NRP1: variants seen among roughly 807,000 people sequenced by gnomAD.
The protein encoded by NRP1 is neuropilin-1.
A neutral mutation model predicts 106.7 loss-of-function variants in NRP1; 35 were observed. The observed-to-expected ratio is 0.33, with a 90% confidence interval of 0.25 to 0.43. The LOEUF is 0.43. Among genes scored for constraint, NRP1 ranks in the 20% least tolerant of loss-of-function variants. NRP1 has a pLI of 1.00. For synonymous variants in NRP1, 437 were observed against 417.9 expected, an observed-to-expected ratio of 1.05 and a Z score of -0.56; for missense variants, 1,024 against 1,170.4, an observed-to-expected ratio of 0.87 and a Z score of 1.83.
At position 33,192,842 on chromosome 10, in the gene NRP1, T is replaced by C. The variant is rs192357127; in HGVS notation, c.1925-424A>G. Among the ~76,000 whole-genome samples, 735 of 152,340 alleles carry C rather than the reference T, an allele frequency of 4.8e-3. 1 individual carries two copies. The highest frequency in any genetic ancestry group is 7.4e-3 in the Admixed American group (114 of 15,306). ...AGAATCTTAATTAGAGATTGACCCA[T>C]GAAGCCTCAAAAGTGGAAAGTAACT... is the stretch of plus-strand genomic sequence containing the variant. On this transcript the variant is annotated intron_variant, in intron 12 of 16. Coordinates refer to ENST00000374867, the MANE Select transcript of NRP1 (RefSeq NM_003873.7).
chr10:33,319,877 C>T (rs559320554), intron 2 of NRP1, among the ~76,000 whole-genome samples: 4 of 151,974 alleles, frequency 2.6e-5, no homozygotes, highest in East Asian at 4.0e-4. Flanking sequence ...TGAGCCACCG[C>T]GCCCGGCCTG....
chr10:33,261,307 C>G (rs980832947), intron 4 of NRP1, among the ~76,000 whole-genome samples: 3 of 152,190 alleles, frequency 2.0e-5, no homozygotes, highest in African/African-American at 7.2e-5. Context: ...TGAAAGTCTT[C>G]TAAATAAGTT....
intron 2 of NRP1, among the ~76,000 whole-genome samples, chr10:33,301,129 T>C (rs576040183): frequency 2.0e-5 from 3 of 152,202 alleles, no homozygotes; most frequent in South Asian, 4.2e-4. Context: ...ATTATTCAAA[T>C]AGGAGAGAGG....
At chr10:33,271,985 A>T (rs1843339440) in intron 2 of NRP1, among the ~76,000 whole-genome samples, 1 of 152,226 alleles carries the variant, frequency 6.6e-6, no homozygotes, top group South Asian at 2.1e-4. Context: ...TTGGTTCAAA[A>T]GTCCTGGGAT....
chr10:33,195,097 C>G (rs1016754329), intron 12 of NRP1, among the ~76,000 whole-genome samples: 1 of 152,076 alleles, frequency 6.6e-6, no homozygotes, highest in Non-Finnish European at 1.5e-5. Flanking sequence ...CTGTGCTTGC[C>G]CAACCCATCT....
chr10:33,275,654 T>G (rs956125009), intron 2 of NRP1, among the ~76,000 whole-genome samples: 1 of 150,984 alleles, frequency 6.6e-6, no homozygotes, highest in Non-Finnish European at 1.5e-5. Flanking sequence ...TTCCAGTGCT[T>G]TGGGAGGCTG....
chr10:33,275,448 G>A (rs987409412), intron 2 of NRP1, among the ~76,000 whole-genome samples: 1 of 152,122 alleles, frequency 6.6e-6, no homozygotes, highest in African/African-American at 2.4e-5. Context: ...TGCACTTGTA[G>A]TGCCAGCTAC....
intron 8 of NRP1, among the ~76,000 whole-genome samples, chr10:33,214,956 A>G (rs981235521): frequency 2.6e-5 from 4 of 152,252 alleles, no homozygotes; most frequent in African/African-American, 9.6e-5. Flanking sequence ...ATGTACAATG[A>G]TAAAATTAAA....
In NRP1 at chr10:33,213,406, C is replaced by A. The variant is rs371533986; in HGVS notation, c.1594G>T (p.Asp532Tyr). The A allele has an allele frequency of 8.1e-6, 13 of 1,614,052 alleles. No homozygotes were observed. The highest frequency in any genetic ancestry group is 1.6e-4 in the Middle Eastern group (1 of 6,062). The change falls in exon 9 of 17, where the codon GAC becomes TAC. Residue 532 changes from aspartate (D) to tyrosine (Y), a missense_variant. Asp to Tyr is a radical substitution (Grantham distance 160). This residue lies in a region of NRP1 where 562 missense variants were observed against 620.3 expected (regional missense o/e 0.91). Transcript: ENST00000374867. The part of the protein sequence containing the change: ...NGSDWKMIMD[D>Y]SKRKAKSFEG... Reference sequence around the variant, plus strand: ...CTCACCTTCGCCTTGCGTTTGCTGTCATCCATGATCATCTTCCAGTCCGAG... The same window carrying A: ...CTCACCTTCGCCTTGCGTTTGCTGTAATCCATGATCATCTTCCAGTCCGAG...
intron 3 of NRP1, among the ~76,000 whole-genome samples, chr10:33,269,375 C>G (rs943309232): frequency 6.6e-6 from 1 of 152,158 alleles, no homozygotes; most frequent in Non-Finnish European, 1.5e-5. Context: ...TCAACTGCAG[C>G]CTCCAACTCC....
chr10:33,251,413 T>TGG (rs10688748), intron 6 of NRP1, among the ~76,000 whole-genome samples: 10,632 of 152,180 alleles, frequency 0.07, 1,156 homozygotes, highest in African/African-American at 0.24. Context: ...CACTCTGCCT[T>TGG]GGGGCAGGCA....
At chr10:33,259,119 A>G (rs1021282715) in intron 4 of NRP1, among the ~76,000 whole-genome samples, 13 of 152,142 alleles carry the variant, frequency 8.5e-5, no homozygotes, top group Admixed American at 2.0e-4. Flanking sequence ...CTATCACCCA[A>G]TTCCTTTGGG....
intron 2 of NRP1, among the ~76,000 whole-genome samples, chr10:33,295,847 AAAAGGG>A (rs1465042920): frequency 6.6e-6 from 1 of 152,228 alleles, no homozygotes; most frequent in Non-Finnish European, 1.5e-5. Context: ...AATGATGGCT[AAAAGGG>A]CTGCCTATTA....
At chr10:33,321,603 A>G (rs1847518384) in intron 2 of NRP1, among the ~76,000 whole-genome samples, 1 of 152,148 alleles carries the variant, frequency 6.6e-6, no homozygotes, top group African/African-American at 2.4e-5. Flanking sequence ...TTTTGAAGTG[A>G]TCTATGTAAG....
chr10:33,213,957 C>A (rs1044149643), intron 8 of NRP1, among the ~76,000 whole-genome samples: 1 of 152,162 alleles, frequency 6.6e-6, no homozygotes, highest in Non-Finnish European at 1.5e-5. Context: ...ACATACATTT[C>A]CCCCGCTTTG....
rs11403961 is a variant in NRP1, at chr10:33,294,617, C to CAAA, written c.249-23764_249-23762dup. Reference sequence around the variant, plus strand: ...GGACAACAAGAGTGAAACTCCGTCTCAAAAAAAAAAAAAAAAAATCTATGT... The same window carrying CAAA: ...GGACAACAAGAGTGAAACTCCGTCTCAAAAAAAAAAAAAAAAAAAAATCTATGT... On this transcript the variant is annotated intron_variant, in intron 2 of 16. Coordinates refer to ENST00000374867, the MANE Select transcript of NRP1 (RefSeq NM_003873.7). Among the ~76,000 whole-genome samples, 158 of 111,948 alleles carry CAAA rather than the reference C, an allele frequency of 1.4e-3. 7 individuals are homozygous for CAAA. The Middle Eastern group carries it at 0.015, about 11-fold the overall frequency. The allele number at this position is 111,948 out of a possible 152,430, so 73.4% of individuals were successfully genotyped here. A position where few individuals can be genotyped will look rare whatever the true frequency, so the allele number is the denominator to read the frequency against.
At chr10:33,223,623 G>A (rs145421472) in intron 7 of NRP1, among the ~76,000 whole-genome samples, 88 of 152,258 alleles carry the variant, frequency 5.8e-4, no homozygotes, top group African/African-American at 2.0e-3. Flanking sequence ...GCAAGACTTG[G>A]TCTCTATTTT....
chr10:33,320,337 C>A (rs937047362), intron 2 of NRP1, among the ~76,000 whole-genome samples: 1 of 151,156 alleles, frequency 6.6e-6, no homozygotes, highest in Non-Finnish European at 1.5e-5. Flanking sequence ...AAGCCTGCAC[C>A]GGGACCCAGT....
rs1263870914 is a variant in NRP1, at chr10:33,185,740, C to A, written c.2335-16G>T. On this transcript the variant is annotated splice_polypyrimidine_tract_variant and intron_variant, in intron 14 of 16. Transcript: ENST00000374867. The stretch of plus-strand genomic sequence containing the variant: ...CGAAAATCACCTAACAAAATAAGAT[C>A]ATTTTCACAGTATTGAAATGCTCAT... 4 of 1,601,712 alleles carry A rather than the reference C, an allele frequency of 2.5e-6. No individual in the cohort carries two copies. Among genetic ancestry groups the A allele is most frequent in the Non-Finnish European group, 8.6e-7 (1 of 1,168,860 alleles).
Sources: gnomAD v4.1 joint callset for allele counts (sites outside exome capture counted in the v4.1 genomes callset) on GRCh38, gnomAD v4.1.1 for gene constraint, gnomAD v4.1.1 regional missense constraint, MANE v1.5 for transcripts, NCBI Gene and HGNC (gene_info 2026-07-23, HGNC 2026-07-21) for gene names.